NCKAP5: variants seen among roughly 807,000 people sequenced by gnomAD.
NCKAP5 encodes the protein NCK associated protein 5.
A neutral mutation model predicts 167.0 loss-of-function variants in NCKAP5; 92 were observed. The observed-to-expected ratio is 0.55, with a 90% CI of 0.47 to 0.66. The LOEUF (loss-of-function observed/expected upper bound fraction) is 0.66, where lower values mean the gene tolerates loss of function less well. NCKAP5 is among the 30% of genes least tolerant of loss of function. The pLI is 0.00. For missense variants in NCKAP5, 2,378 were observed against 2,315.0 expected, an observed-to-expected ratio of 1.03 and a Z score of -0.56; for synonymous variants, 891 against 877.4, an observed-to-expected ratio of 1.02 and a Z score of -0.27.
At chr2:132,898,536 C>G (rs1693378659) in intron 8 of NCKAP5, among the ~76,000 whole-genome samples, 1 of 152,200 alleles carries the variant, frequency 6.6e-6, no homozygotes, top group Non-Finnish European at 1.5e-5. Context: ...GAATCACTCT[C>G]TCTGCCAGAA....
At chr2:133,168,693 C>T (rs948994471) in intron 5 of NCKAP5, among the ~76,000 whole-genome samples, 5 of 152,088 alleles carry the variant, frequency 3.3e-5, no homozygotes, top group African/African-American at 1.2e-4. Context: ...CTCCTTTCAT[C>T]CTGAGAGAAA....
At chr2:133,481,544 G>A (rs1276536583) in intron 3 of NCKAP5, among the ~76,000 whole-genome samples, 3 of 152,104 alleles carry the variant, frequency 2.0e-5, no homozygotes, top group Non-Finnish European at 4.4e-5. Flanking sequence ...ATTAAGCCTA[G>A]TACCCATTAG....
intron 4 of NCKAP5, among the ~76,000 whole-genome samples, chr2:133,242,630 G>A (rs2087771796): frequency 6.6e-6 from 1 of 152,146 alleles, no homozygotes; most frequent in Non-Finnish European, 1.5e-5. Context: ...TACTGCTACT[G>A]CATGCAATAT....
chr2:133,247,599 C>T (rs1211377451), intron 4 of NCKAP5, among the ~76,000 whole-genome samples: 3 of 152,164 alleles, frequency 2.0e-5, no homozygotes, highest in African/African-American at 7.2e-5. Context: ...TATTGTGGGA[C>T]AACATCCATG....
In NCKAP5 at chr2:132,781,184, A is replaced by G; in HGVS notation, c.4917T>C (p.Asn1639=). The stretch of plus-strand genomic sequence containing the variant: ...CCTTTAACACATTCCTGCAGGAAGC[A>G]TTACTTGATCCACTTTCTGTCTGTG... ...AAPQTESGSS[N]ASCRNVLKGS... Residue 1639 remains asparagine, a synonymous_variant, in exon 15 of 20, where the codon AAT becomes AAC. Transcript: ENST00000409261. 3.7e-6 allele frequency: 6 copies of G among 1,613,968 alleles called. No individual in the cohort carries two copies. The highest frequency in any genetic ancestry group is 5.1e-6 in the Non-Finnish European group (6 of 1,179,874).
intron 3 of NCKAP5, among the ~76,000 whole-genome samples, chr2:133,341,988 G>A (rs1411860884): frequency 6.6e-6 from 1 of 152,098 alleles, no homozygotes; most frequent in African/African-American, 2.4e-5. Context: ...ACCCAGGCTG[G>A]AGTGCAGCGG....
the NCKAP5 span, among the ~76,000 whole-genome samples, chr2:133,643,122 T>C: frequency 5.3e-5 from 8 of 152,234 alleles, 1 homozygote; most frequent in East Asian, 7.7e-4. Context: ...CCTTTGTTAC[T>C]GAAACAAACT....
chr2:132,937,919 C>T (rs1028049476), intron 8 of NCKAP5, among the ~76,000 whole-genome samples: 6 of 152,206 alleles, frequency 3.9e-5, no homozygotes, highest in Non-Finnish European at 8.8e-5. Flanking sequence ...AGCATAAATG[C>T]TGATGCACTG....
intron 19 of NCKAP5, among the ~76,000 whole-genome samples, chr2:132,712,457 C>G (rs1211190891): frequency 6.6e-6 from 1 of 152,126 alleles, no homozygotes; most frequent in Non-Finnish European, 1.5e-5. Flanking sequence ...TGGGACCATC[C>G]TGGCTAACAC....
intron 6 of NCKAP5, among the ~76,000 whole-genome samples, chr2:133,065,133 G>A (rs2080146131): frequency 6.6e-6 from 1 of 151,998 alleles, no homozygotes; most frequent in Non-Finnish European, 1.5e-5. Context: ...ACCAGAGTAA[G>A]CAAAAAGGAA....
intron 4 of NCKAP5, among the ~76,000 whole-genome samples, chr2:133,279,978 T>C (rs1334833131): frequency 6.6e-6 from 1 of 152,224 alleles, no homozygotes; most frequent in Non-Finnish European, 1.5e-5. Context: ...ATTACTTCAA[T>C]TTTTAATAAT....
intron 6 of NCKAP5, among the ~76,000 whole-genome samples, chr2:133,057,774 T>C (rs1422417431): frequency 6.6e-6 from 1 of 152,238 alleles, no homozygotes; most frequent in African/African-American, 2.4e-5. Context: ...ATTCAGAAGA[T>C]GTAGCTCAAA....
At chr2:133,450,436 A>C (rs1353339247) in intron 3 of NCKAP5, among the ~76,000 whole-genome samples, 3 of 152,190 alleles carry the variant, frequency 2.0e-5, no homozygotes, top group African/African-American at 7.2e-5. Flanking sequence ...AATGCGGCCT[A>C]TGGTAACATT....
chr2:133,248,636 T>C (rs889756794), intron 4 of NCKAP5, among the ~76,000 whole-genome samples: 1 of 152,238 alleles, frequency 6.6e-6, no homozygotes, highest in Non-Finnish European at 1.5e-5. Flanking sequence ...CTTAGTTTCC[T>C]AGTTTATAAA....
intron 4 of NCKAP5, chr2:133,266,172 C>G (rs576238509): frequency 6.6e-6 from 1 of 152,128 alleles, no homozygotes; most frequent in African/African-American, 2.4e-5. Context: ...GGCGGGGATG[C>G]GCACACACGG....
chr2:132,800,589 G>C (rs992879052), intron 11 of NCKAP5, among the ~76,000 whole-genome samples: 5 of 152,114 alleles, frequency 3.3e-5, no homozygotes, highest in African/African-American at 1.2e-4. Context: ...TGGCTTCGCT[G>C]TCTCTGGAAT....
chr2:133,006,917 A>T (rs1434309925), intron 6 of NCKAP5, among the ~76,000 whole-genome samples: 1 of 152,206 alleles, frequency 6.6e-6, no homozygotes, highest in Admixed American at 6.5e-5. Flanking sequence ...CACATTCTTC[A>T]CTGGGCCTGC....
chr2:133,202,756 A>T (rs1032026530), intron 5 of NCKAP5, among the ~76,000 whole-genome samples: 4 of 152,380 alleles, frequency 2.6e-5, no homozygotes, highest in Admixed American at 2.6e-4. Context: ...TCTCAAAAGA[A>T]GACATTTATG....
intron 18 of NCKAP5, among the ~76,000 whole-genome samples, chr2:132,726,844 C>T (rs1371703370): frequency 6.6e-6 from 1 of 152,264 alleles, no homozygotes; most frequent in East Asian, 1.9e-4. Flanking sequence ...ACTGGAGATA[C>T]CAGTAGTCTA....
Sources: gnomAD v4.1 joint callset for allele counts (sites outside exome capture counted in the v4.1 genomes callset) on GRCh38, gnomAD v4.1.1 for gene constraint, MANE v1.5 for transcripts, NCBI Gene and HGNC (gene_info 2026-07-23, HGNC 2026-07-21) for gene names.